KLC2: variants seen among roughly 807,000 people sequenced by gnomAD.
The protein encoded by KLC2 is kinesin light chain 2, also known as KLC 2.
Under a neutral mutation model 75.1 loss-of-function variants are expected in KLC2, and 35 were observed. The ratio of observed to expected loss-of-function variants is 0.47; its 90% CI spans 0.36 to 0.62. KLC2 has a LOEUF of 0.62. KLC2 is among the 20% of genes least tolerant of loss of function. KLC2 has a pLI of 0.00. For synonymous variants in KLC2, 314 were observed against 336.7 expected (o/e 0.93, Z 0.74); for missense variants, 611 against 833.2 (o/e 0.73, Z 3.28).
At chr11:66,251,124 G>A in the KLC2 span, among the ~76,000 whole-genome samples, 5 of 152,342 alleles carry the variant, frequency 3.3e-5, no homozygotes, top group East Asian at 9.6e-4. Flanking sequence ...AAAGGTGGAA[G>A]GGTTAGAGGG....
chr11:66,263,639 C>T lies in KLC2; in HGVS notation c.753-21C>T, dbSNP rs1487319648. ...CCTTGAGCTGGAGGACAGCCCTGAC[C>T]ATGCTCCTACCTGCTCCCAGGGATC... On this transcript the variant is annotated intron_variant, in intron 5 of 15. Transcript: ENST00000394067. 4.4e-6 allele frequency: 7 copies of T among 1,582,276 alleles called. No homozygotes were observed. The South Asian group carries it at 6.6e-5, about 15-fold the overall frequency.
upstream of KLC2, among the ~76,000 whole-genome samples, chr11:66,257,057 AAGGG>A (rs953622315): frequency 5.3e-4 from 81 of 152,346 alleles, no homozygotes; most frequent in African/African-American, 1.9e-3. Context: ...TAACTGACAC[AAGGG>A]AGCAGCCTTC....
chr11:66,267,522 G>A lies in KLC2; in HGVS notation c.*566G>A, dbSNP rs1478290999. On this transcript the variant is annotated 3_prime_UTR_variant, in exon 16 of 16. Coordinates refer to ENST00000394067, the MANE Select transcript of KLC2 (RefSeq NM_001318734.2). ...CCCAAGGGGGTCCTGGGACCTTCTC[G>A]CGCTCCTCCTGGCCTCTGAGGGATG... 2 of 669,012 alleles carry A rather than the reference G, an allele frequency of 3.0e-6. No homozygotes were observed. The highest frequency in any genetic ancestry group is 5.4e-5 in the East Asian group (2 of 36,798). The allele number at this position is 669,012 out of a possible 1,614,324, so 41.4% of individuals were successfully genotyped here.
At chr11:66,260,343 C>A (rs772406484) in intron 2 of KLC2, among the ~76,000 whole-genome samples, 71 of 152,184 alleles carry the variant, frequency 4.7e-4, no homozygotes, top group Admixed American at 5.9e-4. Context: ...CCTGGTGGAG[C>A]ACGTGCACTC....
chr11:66,256,718 A>G (rs1856052015), upstream of KLC2, among the ~76,000 whole-genome samples: 2 of 152,302 alleles, frequency 1.3e-5, no homozygotes, highest in South Asian at 2.1e-4. Context: ...ACCTGGTTGG[A>G]TGTAACTGAG....
upstream of KLC2, among the ~76,000 whole-genome samples, chr11:66,256,454 G>A (rs1234428682): frequency 6.6e-6 from 1 of 152,148 alleles, no homozygotes; most frequent in Non-Finnish European, 1.5e-5. Context: ...GCTAGGTGTG[G>A]TGGTGGGTGC....
At chr11:66,259,430 T>C (rs964203448) in intron 2 of KLC2, 2 of 151,922 alleles carry the variant, frequency 1.3e-5, no homozygotes, top group Non-Finnish European at 2.9e-5. Flanking sequence ...AGGGGAGAAG[T>C]TGCATGTGCA....
the KLC2 span, chr11:66,244,337 T>G: frequency 6.6e-6 from 1 of 152,484 alleles, no homozygotes; most frequent in Non-Finnish European, 1.5e-5. Context: ...AGACCCATCC[T>G]CCCAGCCAGG....
rs983748622 is a variant in KLC2 at position 66,257,729 on chromosome 11, A to C, written c.-154A>C. On this transcript the variant is annotated 5_prime_UTR_variant, in exon 1 of 16. Coordinates refer to ENST00000394067, the MANE Select transcript of KLC2 (RefSeq NM_001318734.2). ...TGTTTCGCCCCCTCCGACGCCACCG[A>C]GGTAGCGGCTTCACCTTTAAGGCGG... The C allele has an allele frequency of 6.6e-6, 1 of 152,258 alleles. No homozygotes were observed. Among genetic ancestry groups the C allele is most frequent in the Non-Finnish European group, 1.5e-5 (1 of 68,114 alleles). The allele number at this position is 152,258 out of a possible 1,614,324, so 9.4% of individuals were successfully genotyped here. A position where few individuals can be genotyped will look rare whatever the true frequency, so the allele number is the denominator to read the frequency against.
At position 66,262,905 on chromosome 11, in the gene KLC2, A is replaced by G. The variant is rs1283716488; in HGVS notation, c.621A>G (p.Gln207=). The change falls in exon 5 of 16, where the codon CAA becomes CAG. Residue 207 remains glutamine (Q), a synonymous_variant. Coordinates refer to ENST00000394067, the MANE Select transcript of KLC2 (RefSeq NM_001318734.2). The part of the protein sequence containing the change: ...RLRTLHNLVI[Q]YASQGRYEVA... ...GCACCCTGCACAACCTGGTGATCCA[A>G]TACGCCTCACAGGGCCGCTACGAGG... 9.3e-6 allele frequency: 15 copies of G among 1,613,650 alleles called. No homozygotes were observed. Among genetic ancestry groups the G allele is most frequent in the Non-Finnish European group, 1.3e-5 (15 of 1,179,924 alleles).
chr11:66,261,802 G>A lies in KLC2; in HGVS notation c.289G>A (p.Ala97Thr). ...AGAATCAGAGAAGCAGAAGCTGCGG[G>A]CGCAGGTGCGGCGTCTGGTGCAGGA... ...AVESEKQKLR[A>T]QVRRLVQENQ... Residue 97 changes from alanine to threonine, a missense_variant, in exon 3 of 16, where the codon GCG (alanine) becomes ACG (threonine). Physicochemically the swap from Ala to Thr is moderately conservative, Grantham distance 58. Coordinates refer to ENST00000394067, the MANE Select transcript of KLC2 (RefSeq NM_001318734.2). The A allele has an allele frequency of 6.2e-7, 1 of 1,613,084 alleles. No homozygotes were observed. The highest frequency in any genetic ancestry group is 8.5e-7 in the Non-Finnish European group (1 of 1,179,984).
At position 66,263,614 on chromosome 11, in the gene KLC2, C is replaced by T. The variant is rs186642644; in HGVS notation, c.753-46C>T. Reference sequence around the variant, plus strand: ...AGGGATTGCAGACCATTGGGGAGGGCCTTGAGCTGGAGGACAGCCCTGACC... The same window carrying T: ...AGGGATTGCAGACCATTGGGGAGGGTCTTGAGCTGGAGGACAGCCCTGACC... On this transcript the variant is annotated intron_variant, in intron 5 of 15. Coordinates refer to ENST00000394067, the MANE Select transcript of KLC2 (RefSeq NM_001318734.2). 9.6e-5 allele frequency: 128 copies of T among 1,335,914 alleles called. No homozygotes were observed. In the African/African-American group the frequency reaches 1.5e-3, roughly 16 times the overall value. 82.8% of individuals were successfully genotyped at this position (1,335,914 alleles called of 1,614,324 possible). A position where few individuals can be genotyped will look rare whatever the true frequency, so the allele number is the denominator to read the frequency against.
the KLC2 span, among the ~76,000 whole-genome samples, chr11:66,250,302 T>A: frequency 2.0e-5 from 3 of 152,124 alleles, no homozygotes; most frequent in East Asian, 5.8e-4. Flanking sequence ...ATTGTTGCAG[T>A]ATCCAGCACC....
At chr11:66,262,406 C>T in intron 4 of KLC2, 1 of 586,000 alleles carries the variant, frequency 1.7e-6, no homozygotes. Context: ...AGTCACCAGC[C>T]TGGCTTCCAG....
At chr11:66,246,488 C>G in the KLC2 span, among the ~76,000 whole-genome samples, 1 of 152,120 alleles carries the variant, frequency 6.6e-6, no homozygotes, top group South Asian at 2.1e-4. Flanking sequence ...CGGGGCCCAT[C>G]CCTCTTCACT....
upstream of KLC2, among the ~76,000 whole-genome samples, chr11:66,254,009 G>A (rs1855983997): frequency 6.6e-6 from 1 of 152,186 alleles, no homozygotes; most frequent in African/African-American, 2.4e-5. Flanking sequence ...CCAACACTTG[G>A]GGAGGCTGAG....
In KLC2 at chr11:66,267,098, C is replaced by T. The variant is rs1210246366; in HGVS notation, c.*142C>T. ...GTTCAATCTCAGGGTAACCTTCTCC[C>T]TTGTCATCTCAGCCTGAGCCCTGGA... On this transcript the variant is annotated 3_prime_UTR_variant, in exon 16 of 16. Coordinates refer to ENST00000394067, the MANE Select transcript of KLC2 (RefSeq NM_001318734.2). 6.5e-7 allele frequency: 1 copy of T among 1,532,542 alleles called. No homozygotes were observed. Among genetic ancestry groups the T allele is most frequent in the Non-Finnish European group, 8.8e-7 (1 of 1,136,718 alleles). The allele number at this position is 1,532,542 out of a possible 1,614,324, so 94.9% of individuals were successfully genotyped here. A position where few individuals can be genotyped will look rare whatever the true frequency, so the allele number is the denominator to read the frequency against.
At chr11:66,253,012 T>C (rs898243750), upstream of KLC2, among the ~76,000 whole-genome samples, 4 of 145,836 alleles carry the variant, frequency 2.7e-5, no homozygotes, top group South Asian at 6.4e-4. Flanking sequence ...TGACTTTTTT[T>C]TTTTTTTTTT....
chr11:66,259,133 T>C (rs1342770343), intron 2 of KLC2, among the ~76,000 whole-genome samples: 1 of 152,188 alleles, frequency 6.6e-6, no homozygotes, highest in Non-Finnish European at 1.5e-5. Flanking sequence ...CACCAATTAA[T>C]TCTTCTATTC....
Sources: allele counts gnomAD v4.1 joint callset (sites outside exome capture counted in the v4.1 genomes callset), GRCh38; gene constraint gnomAD v4.1.1; transcripts MANE v1.5; gene names NCBI Gene and HGNC (gene_info 2026-07-23, HGNC 2026-07-21).